Variants in RIMS2 observed in about 807,000 individuals in gnomAD.
The protein encoded by RIMS2 is regulating synaptic membrane exocytosis protein 2.
RIMS2 carries 59 observed loss-of-function variants against 174.4 expected under a neutral mutation model. That is an observed-to-expected ratio of 0.34 (90% CI 0.27 to 0.42). The LOEUF (loss-of-function observed/expected upper bound fraction) is 0.42, where lower values mean the gene tolerates loss of function less well. Among genes scored for constraint, RIMS2 ranks in the 10% least tolerant of loss-of-function variants. The probability of loss-of-function intolerance (pLI) is 1.00; values close to 1 mark genes in which losing one functional copy is unlikely to be tolerated. For missense variants in RIMS2, 1,620 were observed against 1,666.3 expected, an observed-to-expected ratio of 0.97 and a Z score of 0.48; for synonymous variants, 606 against 572.5, an observed-to-expected ratio of 1.06 and a Z score of -0.84.
At chr8:104,005,614 G>A (rs1174078518) in intron 17 of RIMS2, among the ~76,000 whole-genome samples, 3 of 152,150 alleles carry the variant, frequency 2.0e-5, no homozygotes, top group South Asian at 4.1e-4. Flanking sequence ...ATATCAGGGG[G>A]CAGTGGGGAT....
At chr8:104,210,706 C>T (rs1279162390) in intron 19 of RIMS2, among the ~76,000 whole-genome samples, 1 of 152,150 alleles carries the variant, frequency 6.6e-6, no homozygotes, top group Non-Finnish European at 1.5e-5. Flanking sequence ...TATCACAGGG[C>T]CTTTCCATCT....
rs766368833 is a variant in RIMS2, at chr8:104,148,747, G to C, written c.3335-96169G>C. Reference sequence around the variant, plus strand: ...TCTGACACTGCAGTGGGCACCTTGGGCACCAGTGGCAAAAAGCGGCGCTCT... The same window carrying C: ...TCTGACACTGCAGTGGGCACCTTGGCCACCAGTGGCAAAAAGCGGCGCTCT... On this transcript the variant is annotated intron_variant, in intron 19 of 23. Transcript: ENST00000504942. 7 of 1,598,352 alleles carry C rather than the reference G, an allele frequency of 4.4e-6. No individual in the cohort carries two copies. In the East Asian group the frequency reaches 1.6e-4, roughly 36 times the overall value.
intron 1 of RIMS2, among the ~76,000 whole-genome samples, chr8:103,649,423 G>T (rs1052043350): frequency 1.3e-5 from 2 of 151,944 alleles, no homozygotes; most frequent in African/African-American, 4.8e-5. Flanking sequence ...GTGTCTTGGG[G>T]TTGATCTTCT....
chr8:104,193,801 C>T (rs1282267409), intron 19 of RIMS2, among the ~76,000 whole-genome samples: 2 of 152,226 alleles, frequency 1.3e-5, no homozygotes, highest in East Asian at 1.9e-4. Flanking sequence ...ATATAAATTT[C>T]CTATTCCTAA....
intron 2 of RIMS2, among the ~76,000 whole-genome samples, chr8:103,751,586 C>T (rs1427709676): frequency 1.3e-5 from 2 of 151,522 alleles, no homozygotes; most frequent in South Asian, 4.2e-4. Flanking sequence ...GTCCCTATTT[C>T]TCCACATCCT....
chr8:103,743,440 G>T (rs952670797), intron 2 of RIMS2, among the ~76,000 whole-genome samples: 2 of 152,022 alleles, frequency 1.3e-5, no homozygotes, highest in East Asian at 3.9e-4. Flanking sequence ...TTTAAAAATT[G>T]ATAACTCTGG....
At chr8:103,840,160 ACTCAGGAACCTGTTAATTATTT>A (rs1230060609) in intron 3 of RIMS2, among the ~76,000 whole-genome samples, 2 of 152,200 alleles carry the variant, frequency 1.3e-5, no homozygotes, top group African/African-American at 4.8e-5. Context: ...AATACTAGCT[ACTCAGGAACCTGTTAATTATTT>A]CATAATAATG....
chr8:103,744,554 A>G (rs2097790073), intron 2 of RIMS2, among the ~76,000 whole-genome samples: 1 of 152,220 alleles, frequency 6.6e-6, no homozygotes, highest in Non-Finnish European at 1.5e-5. Context: ...TTCACCTGCA[A>G]AACTGTAACA....
chr8:104,219,839 T>C (rs1246426017), intron 19 of RIMS2, among the ~76,000 whole-genome samples: 2 of 152,210 alleles, frequency 1.3e-5, no homozygotes, highest in African/African-American at 2.4e-5. Flanking sequence ...CTACATATAC[T>C]ACTTGTATAT....
chr8:103,885,845 C>G lies in RIMS2; in HGVS notation c.1246C>G (p.Arg416Gly), dbSNP rs1237468372. The G allele has an allele frequency of 1.2e-6, 2 of 1,612,724 alleles. No homozygotes were observed. Among genetic ancestry groups the G allele is most frequent in the African/African-American group, 2.7e-5 (2 of 74,746 alleles). Residue 416 changes from arginine to glycine, a missense_variant, in exon 4 of 24, where the codon CGA (arginine) becomes GGA (glycine). Transcript: ENST00000504942. The stretch of plus-strand genomic sequence containing the variant: ...GCGATCTTATTCAATGGAAAGAACT[C>G]GAGAGGCTCAGGGACCAAGTTCTTA...
At chr8:103,845,559 T>TA (rs1209586279) in intron 3 of RIMS2, among the ~76,000 whole-genome samples, 8 of 152,140 alleles carry the variant, frequency 5.3e-5, no homozygotes, top group African/African-American at 1.9e-4. Context: ...TTTAGATAAG[T>TA]AATATGCCCA....
chr8:103,930,852 A>G (rs372501897), intron 11 of RIMS2, among the ~76,000 whole-genome samples: 7 of 152,156 alleles, frequency 4.6e-5, no homozygotes, highest in Non-Finnish European at 1.5e-5. Context: ...TGAATGTTAT[A>G]TAAACAGGAT....
intron 19 of RIMS2, among the ~76,000 whole-genome samples, chr8:104,058,343 G>A (rs2096912279): frequency 6.8e-6 from 1 of 147,542 alleles, no homozygotes; most frequent in South Asian, 2.2e-4. Context: ...TTTTTCATGT[G>A]TCTTTTGGCT....
At chr8:103,839,491 T>C (rs2098926855) in intron 3 of RIMS2, among the ~76,000 whole-genome samples, 1 of 152,186 alleles carries the variant, frequency 6.6e-6, no homozygotes, top group Non-Finnish European at 1.5e-5. Flanking sequence ...TTCTAGGATA[T>C]GGTTTTCTTA....
intron 14 of RIMS2, among the ~76,000 whole-genome samples, chr8:103,958,960 G>A (rs150544716): frequency 3.2e-3 from 487 of 152,190 alleles, no homozygotes; most frequent in Non-Finnish European, 5.3e-3. Context: ...TAGGAAAAAC[G>A]CATCCAAAAA....
chr8:103,519,336 T>C (rs752451196), intron 1 of RIMS2, among the ~76,000 whole-genome samples: 1 of 152,166 alleles, frequency 6.6e-6, no homozygotes, highest in Non-Finnish European at 1.5e-5. Flanking sequence ...GGAAATCTTA[T>C]GGAATTGTTT....
chr8:103,956,332 G>A lies in RIMS2; in HGVS notation c.2702-4733G>A, dbSNP rs151336302. Among the ~76,000 whole-genome samples, 1,233 of 152,164 alleles carry A rather than the reference G, an allele frequency of 8.1e-3. 19 individuals are homozygous for A. Among genetic ancestry groups the A allele is most frequent in the African/African-American group, 0.028 (1,175 of 41,502 alleles). On this transcript the variant is annotated intron_variant, in intron 14 of 23. Transcript: ENST00000504942. The stretch of plus-strand genomic sequence containing the variant: ...GAAAGAACAAAGCTGGAGGCACCAC[G>A]CTACCTGACTTCAAACTACACTGCA...
At chr8:103,988,619 C>CT (rs949469150) in intron 16 of RIMS2, among the ~76,000 whole-genome samples, 2 of 152,122 alleles carry the variant, frequency 1.3e-5, no homozygotes, top group African/African-American at 4.8e-5. Context: ...ACCACCACAC[C>CT]TTGCTGATTT....
chr8:103,650,359 G>T (rs556025687), intron 1 of RIMS2, among the ~76,000 whole-genome samples: 99 of 152,262 alleles, frequency 6.5e-4, no homozygotes, highest in Admixed American at 1.2e-3. Flanking sequence ...TGTAGGAGGT[G>T]ACTGGAGACT....
Sources: gnomAD v4.1 joint callset for allele counts (sites outside exome capture counted in the v4.1 genomes callset) on GRCh38, gnomAD v4.1.1 for gene constraint, MANE v1.5 for transcripts, NCBI Gene and HGNC (gene_info 2026-07-23, HGNC 2026-07-21) for gene names.